DPP10: variants seen among roughly 807,000 people sequenced by gnomAD.
The protein encoded by DPP10 is dipeptidyl peptidase like 10.
DPP10 carries 33 observed loss-of-function variants against 120.9 expected under a neutral mutation model. The observed-to-expected ratio is 0.27, with a 90% CI of 0.21 to 0.37. The LOEUF is 0.37. Among genes scored for constraint, DPP10 ranks in the 10% least tolerant of loss-of-function variants. DPP10 has a pLI of 1.00. For missense variants in DPP10, 816 were observed against 942.8 expected (o/e 0.87, Z 1.76); for synonymous variants, 337 against 326.1 (o/e 1.03, Z -0.36).
chr2:115,640,254 C>A (rs977008803), intron 5 of DPP10, among the ~76,000 whole-genome samples: 11 of 151,908 alleles, frequency 7.2e-5, no homozygotes, highest in Non-Finnish European at 1.5e-4. Flanking sequence ...AACATTCCCC[C>A]AAATAAAAGA....
intron 1 of DPP10, among the ~76,000 whole-genome samples, chr2:114,862,150 G>A (rs539436557): frequency 6.6e-6 from 1 of 152,074 alleles, no homozygotes; most frequent in Non-Finnish European, 1.5e-5. Context: ...CATTATTATA[G>A]AGGGAAGCAC....
intron 2 of DPP10, among the ~76,000 whole-genome samples, chr2:115,330,008 G>T (rs757558552): frequency 6.6e-6 from 1 of 152,072 alleles, no homozygotes; most frequent in Non-Finnish European, 1.5e-5. Flanking sequence ...TTGAGGAATC[G>T]CCACACTGTC....
chr2:115,288,794 C>T (rs2060514486), intron 1 of DPP10, among the ~76,000 whole-genome samples: 1 of 151,986 alleles, frequency 6.6e-6, no homozygotes, highest in South Asian at 2.1e-4. Context: ...AAACATACCT[C>T]AAAGTAATAA....
chr2:114,537,229 C>T (rs1405403299), intron 1 of DPP10, among the ~76,000 whole-genome samples: 9 of 152,084 alleles, frequency 5.9e-5, no homozygotes. Flanking sequence ...TAGAAACAGT[C>T]GGCTAGACTA....
intron 1 of DPP10, among the ~76,000 whole-genome samples, chr2:114,452,366 G>A (rs964224576): frequency 6.6e-6 from 1 of 152,216 alleles, no homozygotes; most frequent in South Asian, 2.1e-4. Context: ...GTGGTCGGGG[G>A]TGATCTCTCT....
At chr2:114,678,295 T>C (rs949204634) in intron 1 of DPP10, among the ~76,000 whole-genome samples, 1 of 152,094 alleles carries the variant, frequency 6.6e-6, no homozygotes, top group Admixed American at 6.6e-5. Flanking sequence ...TTTTCAAATA[T>C]CTGAGTGGTT....
chr2:114,907,506 C>A (rs1181647707), intron 1 of DPP10, among the ~76,000 whole-genome samples: 1 of 151,988 alleles, frequency 6.6e-6, no homozygotes, highest in Non-Finnish European at 1.5e-5. Context: ...TCTTTATTTG[C>A]ATTTATCTTA....
At chr2:114,566,659 AGCAGTTGAAAG>A (rs1689224248) in intron 1 of DPP10, among the ~76,000 whole-genome samples, 1 of 152,200 alleles carries the variant, frequency 6.6e-6, no homozygotes, top group African/African-American at 2.4e-5. Flanking sequence ...TGTACCAGGT[AGCAGTTGAAAG>A]GCAGTTGGCA....
chr2:115,139,724 T>TAAAAAAAAAAAAAAAAAAA (rs55826687), intron 1 of DPP10, among the ~76,000 whole-genome samples: 5 of 56,618 alleles, frequency 8.8e-5, no homozygotes, highest in African/African-American at 2.1e-4. Context: ...GTAAAAATAC[T>TAAAAAAAAAAAAAAAAAAA]AAAAAAAAAA....
intron 3 of DPP10, among the ~76,000 whole-genome samples, chr2:115,456,153 A>G (rs2073519572): frequency 1.3e-5 from 2 of 152,182 alleles, no homozygotes; most frequent in Non-Finnish European, 2.9e-5. Context: ...GGTGAAGAAA[A>G]TGAACAGACT....
intron 1 of DPP10, among the ~76,000 whole-genome samples, chr2:114,797,843 C>T (rs905132271): frequency 1.3e-5 from 2 of 152,052 alleles, no homozygotes; most frequent in Admixed American, 6.6e-5. Flanking sequence ...CTTAGTGACT[C>T]GTTGTCAAAG....
intron 13 of DPP10, 50 bp downstream of exon 13, chr2:115,768,454 C>T (rs751313926): frequency 4.9e-5 from 75 of 1,529,296 alleles, no homozygotes; most frequent in Middle Eastern, 1.7e-4. Flanking sequence ...CTCATGTCCC[C>T]GAAGGCCCAG....
At chr2:114,461,260 C>T (rs1678896436) in intron 1 of DPP10, among the ~76,000 whole-genome samples, 1 of 152,260 alleles carries the variant, frequency 6.6e-6, no homozygotes, top group East Asian at 1.9e-4. Context: ...CCCCTGCGAG[C>T]CCCCATTGGC....
chr2:114,515,341 A>G (rs180725703), intron 1 of DPP10, among the ~76,000 whole-genome samples: 2 of 152,328 alleles, frequency 1.3e-5, no homozygotes, highest in African/African-American at 4.8e-5. Flanking sequence ...ATCTCTCTGC[A>G]GCTCGTTGGC....
intron 1 of DPP10, among the ~76,000 whole-genome samples, chr2:114,735,332 G>A (rs1416356348): frequency 6.6e-6 from 1 of 152,050 alleles, no homozygotes; most frequent in African/African-American, 2.4e-5. Context: ...TGGCACCAGC[G>A]AATTTTTACT....
intron 1 of DPP10, among the ~76,000 whole-genome samples, chr2:114,958,330 T>C (rs1698360776): frequency 6.6e-6 from 1 of 152,162 alleles, no homozygotes; most frequent in African/African-American, 2.4e-5. Flanking sequence ...CTTGTCTACC[T>C]ATTAAGTTAG....
intron 1 of DPP10, among the ~76,000 whole-genome samples, chr2:114,993,954 C>T (rs1283757720): frequency 6.6e-6 from 1 of 152,140 alleles, no homozygotes; most frequent in Non-Finnish European, 1.5e-5. Context: ...TCCATTTTCT[C>T]GAGTAATGCT....
intron 1 of DPP10, among the ~76,000 whole-genome samples, chr2:115,279,796 G>A (rs1184186058): frequency 6.6e-6 from 1 of 150,382 alleles, no homozygotes; most frequent in Non-Finnish European, 1.5e-5. Flanking sequence ...CAAGTAGCTG[G>A]AATTATAGAT....
intron 1 of DPP10, among the ~76,000 whole-genome samples, chr2:115,281,036 T>C (rs776432674): frequency 6.6e-6 from 1 of 152,178 alleles, no homozygotes; most frequent in Non-Finnish European, 1.5e-5. Context: ...TATGTTGCCT[T>C]TTTGGTCACC....
Sources: allele counts gnomAD v4.1 joint callset (sites outside exome capture counted in the v4.1 genomes callset), GRCh38; gene constraint gnomAD v4.1.1; transcripts MANE v1.5; gene names NCBI Gene and HGNC (gene_info 2026-07-23, HGNC 2026-07-21).